Variants in SMTNL1 observed in about 807,000 individuals in gnomAD.
SMTNL1 encodes the protein smoothelin like 1.
In SMTNL1, 41 loss-of-function variants were observed where a neutral mutation model predicts 46.6. The observed-to-expected ratio is 0.88, with a 90% CI of 0.69 to 1.14. The LOEUF is 1.14. Among genes scored for constraint, SMTNL1 ranks in the 50% most tolerant of loss-of-function variants. SMTNL1 has a pLI of 0.00. For missense variants in SMTNL1, 591 were observed against 626.1 expected, an observed-to-expected ratio of 0.94 and a Z score of 0.60; for synonymous variants, 234 against 234.2, an observed-to-expected ratio of 1.00 and a Z score of 0.01.
At chr11:57,541,583 A>G (rs747811675) in intron 1 of SMTNL1, 1 of 1,365,952 alleles carries the variant, frequency 7.3e-7, no homozygotes. Flanking sequence ...TCACTCAAGG[A>G]AACGCTTCCT....
intron 4 of SMTNL1, among the ~76,000 whole-genome samples, chr11:57,544,837 C>CGT (rs1944909221): frequency 8.1e-6 from 1 of 122,920 alleles, no homozygotes; most frequent in African/African-American, 3.2e-5. Flanking sequence ...GTCCTCCCCC[C>CGT]ATTTTTTTTT....
chr11:57,547,363 G>A lies in SMTNL1; in HGVS notation c.1340+711G>A, dbSNP rs141403822. ...AGATGACAAAGACAGGCCGACAGGAGGCATCAGGCAGCTGAAAGCCCAGGA... is the reference window on the plus strand; with the variant it reads ...AGATGACAAAGACAGGCCGACAGGAAGCATCAGGCAGCTGAAAGCCCAGGA... On this transcript the variant is annotated intron_variant, in intron 7 of 7. Coordinates refer to ENST00000527972, the MANE Select transcript of SMTNL1 (RefSeq NM_001105565.3). 6.4e-3 allele frequency among the ~76,000 whole-genome samples: 975 copies of A among 152,302 alleles called. 8 individuals carry two copies. Among genetic ancestry groups the A allele is most frequent in the Non-Finnish European group, 0.011 (746 of 68,022 alleles).
chr11:57,546,162 G>A, intron 5 of SMTNL1, 71 bp from the exon 6 acceptor site: 2 of 1,507,134 alleles, frequency 1.3e-6, no homozygotes, highest in South Asian at 2.6e-5. Flanking sequence ...GGGGGCTGGG[G>A]ATCCTCCCAG....
At chr11:57,539,590 C>G (rs772466475) in intron 1 of SMTNL1, among the ~76,000 whole-genome samples, 7 of 152,168 alleles carry the variant, frequency 4.6e-5, no homozygotes, top group Non-Finnish European at 8.8e-5. Context: ...GCCAAGCATG[C>G]CTCTGAATCC....
At chr11:57,549,150 C>T (rs1307104350) in intron 7 of SMTNL1, among the ~76,000 whole-genome samples, 1 of 152,006 alleles carries the variant, frequency 6.6e-6, no homozygotes, top group Non-Finnish European at 1.5e-5. Context: ...CTCAGCCTCC[C>T]GAGTAACTGG....
At chr11:57,537,900 C>CA (rs2135258930) in intron 1 of SMTNL1, among the ~76,000 whole-genome samples, 1 of 152,284 alleles carries the variant, frequency 6.6e-6, no homozygotes, top group African/African-American at 2.4e-5. Flanking sequence ...TTGGGAGTCT[C>CA]AAGAGTCAAA....
intron 1 of SMTNL1, among the ~76,000 whole-genome samples, chr11:57,538,271 G>T (rs373089123): frequency 2.0e-5 from 3 of 152,150 alleles, no homozygotes; most frequent in Non-Finnish European, 4.4e-5. Context: ...GGTGGCAGAC[G>T]CACCACAGAA....
At chr11:57,538,146 A>G (rs1944843716) in intron 1 of SMTNL1, among the ~76,000 whole-genome samples, 1 of 152,154 alleles carries the variant, frequency 6.6e-6, no homozygotes. Flanking sequence ...GGAAGCCAAA[A>G]GATTGGATAC....
rs943548983 is a variant in SMTNL1 at position 57,550,168 on chromosome 11, G to A, written c.*56G>A. 37 of 1,543,786 alleles carry A rather than the reference G, an allele frequency of 2.4e-5. No individual in the cohort carries two copies. Among genetic ancestry groups the A allele is most frequent in the Middle Eastern group, 1.7e-4 (1 of 5,848 alleles). ...GCAGGGTGCCCAGCTCAGCAGCCAC[G>A]GCCCGGGGGTTCCCTTCTGCTCCAT... On this transcript the variant is annotated 3_prime_UTR_variant, in exon 8 of 8. Transcript: ENST00000527972.
intron 7 of SMTNL1, among the ~76,000 whole-genome samples, chr11:57,547,416 G>C (rs1944930521): frequency 6.6e-6 from 1 of 152,242 alleles, no homozygotes; most frequent in Admixed American, 6.5e-5. Flanking sequence ...GAGAAGGAGA[G>C]AGGAGAATAG....
chr11:57,541,558 G>A, intron 1 of SMTNL1: 1 of 1,367,144 alleles, frequency 7.3e-7, no homozygotes, highest in South Asian at 1.1e-5. Context: ...GCCAGGGAGA[G>A]TACGGCTCCA....
rs36035710 is a variant in SMTNL1 at position 57,545,911 on chromosome 11, T to TC, written c.953dup (p.Glu319Ter). The TC allele has an allele frequency of 3.7e-4, 597 of 1,613,074 alleles. No individual in the cohort carries two copies. Among genetic ancestry groups the TC allele is most frequent in the Non-Finnish European group, 4.6e-4 (548 of 1,179,624 alleles). On this transcript the variant is annotated frameshift_variant, in exon 5 of 8. Coordinates refer to ENST00000527972, the MANE Select transcript of SMTNL1 (RefSeq NM_001105565.3). LOFTEE classifies it high-confidence loss of function. ...CTTCACCCAGCGACGTGCCCCAGAG[T>TC]CCCCCTGAGTCCCCTTCCTCAGGGG...
Position 57,543,006 on chromosome 11 carries a change from C to A in SMTNL1, c.364C>A (p.Pro122Thr). 4 of 1,601,902 alleles carry A rather than the reference C, an allele frequency of 2.5e-6. No homozygotes were observed. The highest frequency in any genetic ancestry group is 3.4e-6 in the Non-Finnish European group (4 of 1,174,252). ...TGRKEETKSE[P>T]KEAEEKESTL... ...CAGGAAAGAAGAGACCAAATCTGAACCCAAAGAGGCTGAGGAAAAGGAGAG... is the reference window on the plus strand; with the variant it reads ...CAGGAAAGAAGAGACCAAATCTGAAACCAAAGAGGCTGAGGAAAAGGAGAG... Residue 122 changes from proline (P) to threonine (T), a missense_variant, in exon 2 of 8, where the codon CCC becomes ACC. Pro to Thr is a conservative substitution (Grantham distance 38). Transcript: ENST00000527972.
At position 57,546,324 on chromosome 11, in the gene SMTNL1, C is replaced by A; in HGVS notation, c.1165C>A (p.Arg389=). 6.2e-7 allele frequency: 1 copy of A among 1,605,408 alleles called. No homozygotes were observed. Among genetic ancestry groups the A allele is most frequent in the East Asian group, 2.3e-5 (1 of 44,258 alleles). ...CAAGAACATGCTCTTGGAGTGGTGCCGAGCCATGACAAAAAAATACGAGGT... is the reference window on the plus strand; with the variant it reads ...CAAGAACATGCTCTTGGAGTGGTGCAGAGCCATGACAAAAAAATACGAGGT... ...GVKNMLLEWC[R]AMTKKYEHVD... is the part of the protein sequence containing the mutation. The change falls in exon 6 of 8, where the codon CGA becomes AGA. Residue 389 remains arginine, a synonymous_variant. Coordinates refer to ENST00000527972, the MANE Select transcript of SMTNL1 (RefSeq NM_001105565.3).
intron 1 of SMTNL1, among the ~76,000 whole-genome samples, chr11:57,539,184 A>G (rs1944854169): frequency 6.6e-6 from 1 of 151,976 alleles, no homozygotes; most frequent in Admixed American, 6.6e-5. Flanking sequence ...CCCCATCTCT[A>G]TAAAAAAAAT....
chr11:57,546,501 C>G lies in SMTNL1; in HGVS notation c.1189C>G (p.His397Asp). The change falls in exon 7 of 8, where the codon CAT becomes GAT. Residue 397 changes from histidine (H) to aspartate (D), a missense_variant and splice_region_variant. His to Asp is a moderately conservative substitution (Grantham distance 81). Coordinates refer to ENST00000527972, the MANE Select transcript of SMTNL1 (RefSeq NM_001105565.3). ...CTCCTCTGTGCCCTGCCTGCCATAG[C>G]ATGTGGACATCCAGAACTTCTCCTC... is the stretch of plus-strand genomic sequence containing the variant. ...WCRAMTKKYE[H>D]VDIQNFSSSW... is the part of the protein sequence containing the mutation. 1 of 1,614,134 alleles carries G rather than the reference C, an allele frequency of 6.2e-7. No individual in the cohort carries two copies. The highest frequency in any genetic ancestry group is 1.1e-5 in the South Asian group (1 of 91,086).
At position 57,546,672 on chromosome 11, in the gene SMTNL1, T is replaced by C; in HGVS notation, c.1340+20T>C. On this transcript the variant is annotated intron_variant, in intron 7 of 7. Coordinates refer to ENST00000527972, the MANE Select transcript of SMTNL1 (RefSeq NM_001105565.3). ...AGCAGAGTAAGCCACAGCCATGGGC[T>C]GGCAGAGCTGGATGGGAGCCTAGGC... 1 of 1,609,182 alleles carries C rather than the reference T, an allele frequency of 6.2e-7. No homozygotes were observed. Among genetic ancestry groups the C allele is most frequent in the Non-Finnish European group, 8.5e-7 (1 of 1,177,780 alleles).
chr11:57,546,745 C>T, intron 7 of SMTNL1, 93 bp downstream of exon 7: 8 of 1,422,318 alleles, frequency 5.6e-6, no homozygotes, highest in Admixed American at 2.0e-5. Context: ...TACACCGATG[C>T]TGGTGCCACA....
chr11:57,543,581 G>T (rs779751656), intron 2 of SMTNL1, 43 bp from the exon 3 acceptor site: 1 of 1,592,094 alleles, frequency 6.3e-7, no homozygotes, highest in African/African-American at 1.3e-5. Context: ...GCCAGGGCAG[G>T]TGCTGTGTGA....
Sources: allele counts gnomAD v4.1 joint callset (sites outside exome capture counted in the v4.1 genomes callset), GRCh38; gene constraint gnomAD v4.1.1; transcripts MANE v1.5; gene names NCBI Gene and HGNC (gene_info 2026-07-23, HGNC 2026-07-21).